The following MTAP variants were observed in gnomAD, a reference collection of about 807,000 sequenced individuals.
MTAP encodes the protein S-methyl-5'-thioadenosine phosphorylase.
In MTAP, 33 loss-of-function variants were observed where a neutral mutation model predicts 33.6. That is an observed-to-expected ratio of 0.98 (90% confidence interval 0.74 to 1.31). The LOEUF (loss-of-function observed/expected upper bound fraction) is 1.31, where lower values mean the gene tolerates loss of function less well. MTAP is among the 40% of genes most tolerant of loss of function. MTAP has a pLI of 0.00. For missense variants in MTAP, 367 were observed against 360.0 expected (o/e 1.02, Z -0.16); for synonymous variants, 148 against 125.7 (o/e 1.18, Z -1.19).
intron 1 of MTAP, among the ~76,000 whole-genome samples, chr9:21,888,450 T>C (rs911374625): frequency 5.3e-5 from 8 of 152,182 alleles, no homozygotes; most frequent in Non-Finnish European, 7.4e-5. Context: ...TGTTGTTGTC[T>C]ATCTCATTTC....
At chr9:21,888,057 C>T (rs1447498523) in intron 1 of MTAP, among the ~76,000 whole-genome samples, 1 of 152,052 alleles carries the variant, frequency 6.6e-6, no homozygotes, top group Admixed American at 6.6e-5. Flanking sequence ...TCTATGTATA[C>T]CATCATATCA....
chr9:21,939,546 T>G (rs556667920), downstream of MTAP, among the ~76,000 whole-genome samples: 164 of 152,302 alleles, frequency 1.1e-3, 5 homozygotes, highest in South Asian at 0.025. Flanking sequence ...GGCAATATAG[T>G]TATATGCATA....
At chr9:21,927,660 G>C (rs932433929) in intron 1 of MTAP, among the ~76,000 whole-genome samples, 2 of 152,182 alleles carry the variant, frequency 1.3e-5, no homozygotes, top group Non-Finnish European at 2.9e-5. Flanking sequence ...GATATGCAGG[G>C]TATGCTATAT....
At chr9:21,930,972 T>A (rs768050811) in intron 1 of MTAP, 1 of 742,170 alleles carries the variant, frequency 1.3e-6, no homozygotes, top group African/African-American at 1.7e-5. Context: ...TTCAAAAATC[T>A]AATAACCCAA....
intron 1 of MTAP, among the ~76,000 whole-genome samples, chr9:21,920,667 A>T (rs1248899687): frequency 6.6e-6 from 1 of 152,216 alleles, no homozygotes; most frequent in Non-Finnish European, 1.5e-5. Context: ...TGAGCAAACA[A>T]TATGGTCAAA....
chr9:21,838,699 G>A (rs1480435397), intron 5 of MTAP, among the ~76,000 whole-genome samples: 1 of 152,184 alleles, frequency 6.6e-6, no homozygotes, highest in South Asian at 2.1e-4. Context: ...TGGTATAAGG[G>A]GTGGAATCAC....
At chr9:21,808,623 C>G (rs1368250098) in intron 1 of MTAP, among the ~76,000 whole-genome samples, 1 of 149,974 alleles carries the variant, frequency 6.7e-6, no homozygotes, top group Admixed American at 6.6e-5. Flanking sequence ...CACACACACA[C>G]AAACGTATTC....
intron 1 of MTAP, among the ~76,000 whole-genome samples, chr9:21,880,885 T>A (rs1817999821): frequency 6.6e-6 from 1 of 152,036 alleles, no homozygotes; most frequent in Non-Finnish European, 1.5e-5. Context: ...CAATGGCATT[T>A]TTTTTGCAGA....
In MTAP at chr9:21,819,791, C is replaced by G. The variant is rs541792355; in HGVS notation, c.347+1589C>G. Among the ~76,000 whole-genome samples, 41 of 152,336 alleles carry G rather than the reference C, an allele frequency of 2.7e-4. No homozygotes were observed. In the South Asian group the frequency reaches 7.5e-3, roughly 28 times the overall value. On this transcript the variant is annotated intron_variant, in intron 4 of 7. Transcript: ENST00000644715. ...AAGTGTTCCTATTTCTCCACATCCT[C>G]TCCAGCACCTGTTGTTTCCTGACAT...
At chr9:21,844,900 C>T (rs1052056667) in intron 5 of MTAP, among the ~76,000 whole-genome samples, 2 of 152,106 alleles carry the variant, frequency 1.3e-5, no homozygotes, top group African/African-American at 2.4e-5. Flanking sequence ...GGCATGGTAG[C>T]GGGCGCCTGT....
At chr9:21,890,504 C>A (rs765489182) in intron 1 of MTAP, among the ~76,000 whole-genome samples, 2 of 152,144 alleles carry the variant, frequency 1.3e-5, no homozygotes, top group Non-Finnish European at 2.9e-5. Context: ...TTACAGAGTT[C>A]AACTGGACGT....
At chr9:21,848,629 A>C (rs1232062961) in intron 5 of MTAP, among the ~76,000 whole-genome samples, 2 of 152,210 alleles carry the variant, frequency 1.3e-5, no homozygotes, top group Non-Finnish European at 2.9e-5. Context: ...GGTGGAGTAG[A>C]TTAGTCACTT....
downstream of MTAP, among the ~76,000 whole-genome samples, chr9:21,868,652 A>G (rs1825891012): frequency 6.6e-6 from 1 of 152,092 alleles, no homozygotes; most frequent in Non-Finnish European, 1.5e-5. Flanking sequence ...ACCCTTCATC[A>G]GCTCTCCCAA....
At chr9:21,891,059 C>T (rs186752284) in intron 1 of MTAP, among the ~76,000 whole-genome samples, 3 of 152,188 alleles carry the variant, frequency 2.0e-5, no homozygotes, top group Admixed American at 6.5e-5. Flanking sequence ...AACAACTGTT[C>T]TAGCATAATT....
chr9:21,850,784 C>T (rs1461473968), intron 5 of MTAP, among the ~76,000 whole-genome samples: 1 of 152,182 alleles, frequency 6.6e-6, no homozygotes, highest in Non-Finnish European at 1.5e-5. Context: ...TCTGACTCAT[C>T]TAGCCATAAA....
chr9:21,895,492 G>T (rs1818275080), intron 1 of MTAP, among the ~76,000 whole-genome samples: 1 of 152,200 alleles, frequency 6.6e-6, no homozygotes, highest in African/African-American at 2.4e-5. Flanking sequence ...AGTGGGTGCA[G>T]CCCACAGAGC....
exon 8 of MTAP, chr9:21,937,206 G>T (rs946412270): frequency 2.0e-5 from 3 of 152,196 alleles, no homozygotes; most frequent in African/African-American, 7.2e-5. Context: ...GGGCGTGGTG[G>T]TGCGCACCTG....
chr9:21,871,207 A>T (rs941347484), downstream of MTAP, among the ~76,000 whole-genome samples: 1 of 152,210 alleles, frequency 6.6e-6, no homozygotes, highest in Non-Finnish European at 1.5e-5. Flanking sequence ...TAACTTAATT[A>T]AAACTAAATA....
rs955586134 is a variant in MTAP, at chr9:21,865,476, G to C, written c.*3462G>C. On this transcript the variant is annotated 3_prime_UTR_variant, in exon 8 of 8. Coordinates refer to ENST00000644715, the MANE Select transcript of MTAP (RefSeq NM_002451.4). The stretch of plus-strand genomic sequence containing the variant: ...ATGTTTTGAAGATTGTTGCACCTTG[G>C]AACTACCAGTGTGCACACAATCTGG... 7 of 985,320 alleles carry C rather than the reference G, an allele frequency of 7.1e-6. No individual in the cohort carries two copies. In the African/African-American group the frequency reaches 1.2e-4, roughly 17 times the overall value. 61.0% of individuals were successfully genotyped at this position (985,320 alleles called of 1,614,324 possible). A position where few individuals can be genotyped will look rare whatever the true frequency, so the allele number is the denominator to read the frequency against.
Sources: allele counts gnomAD v4.1 joint callset (sites outside exome capture counted in the v4.1 genomes callset), GRCh38; gene constraint gnomAD v4.1.1; transcripts MANE v1.5; gene names NCBI Gene and HGNC (gene_info 2026-07-23, HGNC 2026-07-21).